ARHGAP22: variants seen among roughly 807,000 people sequenced by gnomAD.
ARHGAP22 encodes the protein rho GTPase-activating protein 22.
A neutral mutation model predicts 59.1 loss-of-function variants in ARHGAP22; 48 were observed. The ratio of observed to expected loss-of-function variants is 0.81; its 90% CI spans 0.64 to 1.03. The LOEUF is 1.03. Among genes scored for constraint, ARHGAP22 ranks in the 50% least tolerant of loss-of-function variants. The pLI is 0.00. For synonymous variants in ARHGAP22, 445 were observed against 416.4 expected (o/e 1.07, Z -0.84); for missense variants, 1,015 against 958.7 (o/e 1.06, Z -0.78).
intron 1 of ARHGAP22, among the ~76,000 whole-genome samples, chr10:48,591,725 T>C (rs894970849): frequency 6.6e-6 from 1 of 152,032 alleles, no homozygotes; most frequent in Non-Finnish European, 1.5e-5. Flanking sequence ...AATACAAAAA[T>C]TTGCTGGGCA....
At chr10:48,545,713 C>A (rs1276689147) in intron 3 of ARHGAP22, among the ~76,000 whole-genome samples, 1 of 152,192 alleles carries the variant, frequency 6.6e-6, no homozygotes, top group South Asian at 2.1e-4. Flanking sequence ...GGTCAGGCCT[C>A]CCTTTAAGAC....
chr10:48,614,427 T>C (rs1425122176), intron 1 of ARHGAP22, among the ~76,000 whole-genome samples: 1 of 152,230 alleles, frequency 6.6e-6, no homozygotes, highest in East Asian at 1.9e-4. Flanking sequence ...AGGAACATTA[T>C]GGATTACATG....
intron 2 of ARHGAP22, among the ~76,000 whole-genome samples, chr10:48,557,350 A>C (rs1222351953): frequency 1.3e-5 from 2 of 152,190 alleles, no homozygotes; most frequent in Admixed American, 1.3e-4. Flanking sequence ...CAAGGAGAGT[A>C]ACAATATTGA....
intron 4 of ARHGAP22, among the ~76,000 whole-genome samples, chr10:48,468,068 C>A (rs986468745): frequency 1.3e-5 from 2 of 152,184 alleles, no homozygotes; most frequent in African/African-American, 4.8e-5. Context: ...GGCAAAAAAT[C>A]TTTGATGAAC....
chr10:48,604,982 C>A lies in ARHGAP22; in HGVS notation c.-186G>T. ...CGGACGGACGGCTCGCCTTGGACTA[C>A]ATAAACCTCGATGCATTATTTATCC... On this transcript the variant is annotated 5_prime_UTR_variant, in exon 1 of 10. It removes an upstream start codon present in the reference 5' UTR. Coordinates refer to ENST00000249601, the MANE Select transcript of ARHGAP22 (RefSeq NM_021226.4). The A allele has an allele frequency of 6.8e-7, 1 of 1,467,714 alleles. No homozygotes were observed. Among genetic ancestry groups the A allele is most frequent in the African/African-American group, 1.4e-5 (1 of 70,692 alleles). The allele number at this position is 1,467,714 out of a possible 1,614,324, so 90.9% of individuals were successfully genotyped here.
intron 2 of ARHGAP22, among the ~76,000 whole-genome samples, chr10:48,558,178 G>A (rs927285815): frequency 2.6e-5 from 4 of 152,180 alleles, no homozygotes; most frequent in Admixed American, 1.3e-4. Context: ...ATGCACCATA[G>A]TGTTTGCACC....
chr10:48,489,262 C>T (rs1224851760), intron 3 of ARHGAP22, among the ~76,000 whole-genome samples: 4 of 152,134 alleles, frequency 2.6e-5, no homozygotes. Context: ...TCTTCATAGA[C>T]ACCCTAGGAA....
chr10:48,649,038 G>A (rs571034098), intron 1 of ARHGAP22, among the ~76,000 whole-genome samples: 2 of 152,118 alleles, frequency 1.3e-5, no homozygotes, highest in Admixed American at 6.5e-5. Context: ...GGTGAGAGCC[G>A]ACCTCTCGCC....
In ARHGAP22 at chr10:48,454,985, C is replaced by T; in HGVS notation, c.792+17G>A. On this transcript the variant is annotated intron_variant, in intron 6 of 9. Transcript: ENST00000249601. Reference sequence around the variant, plus strand: ...AGCCAGCCCATCTCCCAGGAGCTATCCCCAGGAGCCACTGACCTCCCCCTC... The same window carrying T: ...AGCCAGCCCATCTCCCAGGAGCTATTCCCAGGAGCCACTGACCTCCCCCTC... 1 of 1,580,008 alleles carries T rather than the reference C, an allele frequency of 6.3e-7. No individual in the cohort carries two copies.
chr10:48,655,075 T>C (rs867797212), upstream of ARHGAP22, among the ~76,000 whole-genome samples: 47 of 71,504 alleles, frequency 6.6e-4, 2 homozygotes, highest in African/African-American at 2.2e-3. Context: ...CCTCCTTCTC[T>C]TCTCTTCTCT....
chr10:48,535,317 C>A (rs2055238560), intron 3 of ARHGAP22, among the ~76,000 whole-genome samples: 2 of 152,220 alleles, frequency 1.3e-5, no homozygotes, highest in Admixed American at 6.5e-5. Flanking sequence ...GTCACTGGCT[C>A]CTGCAGGTCA....
intron 4 of ARHGAP22, among the ~76,000 whole-genome samples, chr10:48,468,838 C>T (rs182599659): frequency 7.2e-5 from 11 of 152,230 alleles, no homozygotes; most frequent in Non-Finnish European, 7.4e-5. Context: ...AGTGGGGCCG[C>T]GGAGCTGTTT....
chr10:48,530,715 C>G (rs4838615), intron 3 of ARHGAP22, among the ~76,000 whole-genome samples: 1 of 151,936 alleles, frequency 6.6e-6, no homozygotes, highest in Non-Finnish European at 1.5e-5. Context: ...AAAACCACAA[C>G]GCGATACCAC....
the ARHGAP22 span, chr10:48,437,955 TCAG>T: frequency 2.0e-5 from 3 of 152,258 alleles, no homozygotes; most frequent in South Asian, 4.1e-4. Context: ...AGTGAAATCA[TCAG>T]CAGGAAAGTG....
At chr10:48,539,579 C>A (rs1202203099) in intron 3 of ARHGAP22, among the ~76,000 whole-genome samples, 2 of 152,096 alleles carry the variant, frequency 1.3e-5, no homozygotes, top group Non-Finnish European at 2.9e-5. Flanking sequence ...GCGTGAGCCA[C>A]CACGCCCGGC....
At chr10:48,504,618 T>C (rs903277399) in intron 3 of ARHGAP22, among the ~76,000 whole-genome samples, 3 of 152,190 alleles carry the variant, frequency 2.0e-5, no homozygotes, top group African/African-American at 2.4e-5. Context: ...GGGGAGGCGG[T>C]TGGCAGATGG....
chr10:48,447,080 T>G (rs2045430129), intron 9 of ARHGAP22, among the ~76,000 whole-genome samples: 1 of 152,146 alleles, frequency 6.6e-6, no homozygotes, highest in African/African-American at 2.4e-5. Context: ...CCACAGAAGA[T>G]CCTGTGGGGT....
chr10:48,491,526 CATA>C (rs2050388278), intron 3 of ARHGAP22, among the ~76,000 whole-genome samples: 1 of 152,222 alleles, frequency 6.6e-6, no homozygotes, highest in South Asian at 2.1e-4. Flanking sequence ...CATGCTTATT[CATA>C]ATGTTTCTGG....
At chr10:48,637,738 G>A (rs1319753987) in intron 1 of ARHGAP22, among the ~76,000 whole-genome samples, 5 of 152,076 alleles carry the variant, frequency 3.3e-5, no homozygotes, top group African/African-American at 9.7e-5. Flanking sequence ...TCAGTGAGAC[G>A]GGATGAAAAG....
Sources: gnomAD v4.1 joint callset for allele counts (sites outside exome capture counted in the v4.1 genomes callset) on GRCh38, gnomAD v4.1.1 for gene constraint, MANE v1.5 for transcripts, NCBI Gene and HGNC (gene_info 2026-07-23, HGNC 2026-07-21) for gene names.